The following PTPRD variants were observed in gnomAD, a reference collection of about 807,000 sequenced individuals.
The protein encoded by PTPRD is protein tyrosine phosphatase receptor type D, also known as receptor-type tyrosine-protein phosphatase delta.
A neutral mutation model predicts 214.5 loss-of-function variants in PTPRD; 34 were observed. The observed-to-expected ratio is 0.16, with a 90% CI of 0.12 to 0.21. PTPRD has a LOEUF of 0.21. PTPRD is among the 10% of genes least tolerant of loss of function. PTPRD has a pLI of 1.00. For missense variants in PTPRD, 2,545 were observed against 2,398.7 expected, an observed-to-expected ratio of 1.06 and a Z score of -1.27; for synonymous variants, 1,128 against 845.7, an observed-to-expected ratio of 1.33 and a Z score of -5.79.
At chr9:10,229,973 A>G (rs2099603153) in intron 3 of PTPRD, among the ~76,000 whole-genome samples, 1 of 152,056 alleles carries the variant, frequency 6.6e-6, no homozygotes. Flanking sequence ...ACACTCGTAT[A>G]TATTTTGGGA....
chr9:10,044,156 G>C (rs2097347728), intron 3 of PTPRD, among the ~76,000 whole-genome samples: 1 of 151,168 alleles, frequency 6.6e-6, no homozygotes, highest in Non-Finnish European at 1.5e-5. Context: ...CTGGAACTGT[G>C]AATGTGTAGA....
intron 3 of PTPRD, among the ~76,000 whole-genome samples, chr9:10,215,165 A>C (rs1303671183): frequency 6.6e-6 from 1 of 152,056 alleles, no homozygotes; most frequent in Non-Finnish European, 1.5e-5. Context: ...AGATGAGAAA[A>C]TAAGGTACCA....
intron 11 of PTPRD, among the ~76,000 whole-genome samples, chr9:8,881,336 C>A (rs2098444290): frequency 1.3e-5 from 2 of 152,106 alleles, no homozygotes; most frequent in South Asian, 4.1e-4. Flanking sequence ...AGAAGTTTTC[C>A]ATGAATATTT....
chr9:8,332,726 T>C (rs10976964), intron 43 of PTPRD, among the ~76,000 whole-genome samples: 14,971 of 152,176 alleles, frequency 0.098, 847 homozygotes, highest in African/African-American at 0.13. Context: ...CCTCTGTTTA[T>C]AGAAGCAGAA....
At chr9:9,764,788 G>A (rs866032637) in intron 6 of PTPRD, among the ~76,000 whole-genome samples, 5 of 152,036 alleles carry the variant, frequency 3.3e-5, no homozygotes, top group Non-Finnish European at 7.4e-5. Flanking sequence ...TCAAACCCAG[G>A]AAGGTCCAAT....
intron 6 of PTPRD, among the ~76,000 whole-genome samples, chr9:9,747,180 C>T (rs550641080): frequency 9.9e-5 from 15 of 152,250 alleles, no homozygotes; most frequent in African/African-American, 3.6e-4. Flanking sequence ...GCACTCTGAG[C>T]AGGAGCCACT....
chr9:9,677,245 G>T (rs1014030227), intron 7 of PTPRD, among the ~76,000 whole-genome samples: 13 of 151,898 alleles, frequency 8.6e-5, no homozygotes, highest in Non-Finnish European at 1.6e-4. Context: ...TGTCTTCCAG[G>T]GTTTTTATGG....
chr9:8,989,755 C>T (rs538853653), intron 11 of PTPRD, among the ~76,000 whole-genome samples: 2 of 152,016 alleles, frequency 1.3e-5, no homozygotes, highest in Non-Finnish European at 2.9e-5. Context: ...TTACTTATGT[C>T]TTTATTTGTT....
chr9:9,375,044 G>T (rs2060420484), intron 9 of PTPRD, among the ~76,000 whole-genome samples: 1 of 152,102 alleles, frequency 6.6e-6, no homozygotes, highest in Non-Finnish European at 1.5e-5. Context: ...AAATAGAACA[G>T]ATTAAACATA....
rs767258314 is a variant in PTPRD at position 8,484,411 on chromosome 9, G to C, written c.3154-33C>G. 6 of 1,574,554 alleles carry C rather than the reference G, an allele frequency of 3.8e-6. No individual in the cohort carries two copies. The East Asian group carries it at 1.1e-4, about 30-fold the overall frequency. ...GATAAAACCAATAAAAAAAAAATCT[G>C]GTTATCAGAGAGGCAAAATATATTT... is the stretch of plus-strand genomic sequence containing the variant. On this transcript the variant is annotated intron_variant, in intron 29 of 45. Coordinates refer to ENST00000381196, the MANE Select transcript of PTPRD (RefSeq NM_002839.4).
intron 14 of PTPRD, among the ~76,000 whole-genome samples, chr9:8,626,469 T>C (rs1221382209): frequency 6.6e-6 from 1 of 151,872 alleles, no homozygotes; most frequent in Admixed American, 6.6e-5. Flanking sequence ...CCACCTGTAA[T>C]GGTTAATTGT....
intron 2 of PTPRD, among the ~76,000 whole-genome samples, chr9:10,493,735 A>G (rs190515595): frequency 1.5e-3 from 230 of 152,148 alleles, no homozygotes; most frequent in African/African-American, 5.4e-3. Context: ...GTTAAAAATA[A>G]GATTTCCCCC....
chr9:9,851,758 C>G (rs1477736909), intron 5 of PTPRD, among the ~76,000 whole-genome samples: 1 of 152,102 alleles, frequency 6.6e-6, no homozygotes, highest in Non-Finnish European at 1.5e-5. Flanking sequence ...CCAACCTGGA[C>G]AACACAGCGA....
At chr9:8,387,970 G>A (rs1273349431) in intron 37 of PTPRD, among the ~76,000 whole-genome samples, 2 of 152,180 alleles carry the variant, frequency 1.3e-5, no homozygotes, top group East Asian at 3.9e-4. Flanking sequence ...TGCATGTAAA[G>A]TATGGCAGAT....
intron 9 of PTPRD, among the ~76,000 whole-genome samples, chr9:9,392,220 G>T (rs539492500): frequency 6.6e-6 from 1 of 152,080 alleles, no homozygotes; most frequent in African/African-American, 2.4e-5. Context: ...ATTGATGACC[G>T]CAGTGTAAAG....
At chr9:9,032,371 C>T (rs986528317) in intron 10 of PTPRD, among the ~76,000 whole-genome samples, 69 of 151,878 alleles carry the variant, frequency 4.5e-4, no homozygotes, top group African/African-American at 1.6e-3. Context: ...GCCTATGAGC[C>T]GTTAAAGATA....
chr9:10,342,182 G>C (rs770587938), intron 2 of PTPRD, among the ~76,000 whole-genome samples: 2 of 152,034 alleles, frequency 1.3e-5, no homozygotes, highest in Non-Finnish European at 2.9e-5. Context: ...AAGATCATCA[G>C]ATCGTATTGA....
intron 4 of PTPRD, among the ~76,000 whole-genome samples, 157 bp downstream of exon 4, chr9:10,033,561 A>T (rs1230586513): frequency 1.3e-5 from 2 of 152,066 alleles, no homozygotes; most frequent in African/African-American, 2.4e-5. Context: ...ACAAAAGTAA[A>T]ATCATATTAT....
intron 5 of PTPRD, among the ~76,000 whole-genome samples, chr9:9,771,717 A>G (rs1280577973): frequency 2.0e-5 from 3 of 152,208 alleles, no homozygotes; most frequent in African/African-American, 7.2e-5. Flanking sequence ...TGACGTTTCA[A>G]TGACATTCTG....
Sources: allele counts gnomAD v4.1 joint callset (sites outside exome capture counted in the v4.1 genomes callset), GRCh38; gene constraint gnomAD v4.1.1; transcripts MANE v1.5; gene names NCBI Gene and HGNC (gene_info 2026-07-23, HGNC 2026-07-21).